IGSF21: variants seen among roughly 807,000 people sequenced by gnomAD.
The protein encoded by IGSF21 is immunoglobulin superfamily member 21.
IGSF21 carries 28 observed loss-of-function variants against 46.8 expected under a neutral mutation model. The observed-to-expected ratio is 0.60, with a 90% CI of 0.44 to 0.82. The LOEUF is 0.82. Among genes scored for constraint, IGSF21 ranks in the 40% least tolerant of loss-of-function variants. The pLI is 0.00. For missense variants in IGSF21, 624 were observed against 665.5 expected (o/e 0.94, Z 0.69); for synonymous variants, 284 against 273.6 (o/e 1.04, Z -0.38).
At chr1:18,268,320 C>T (rs1188926571) in intron 2 of IGSF21, among the ~76,000 whole-genome samples, 2 of 152,246 alleles carry the variant, frequency 1.3e-5, no homozygotes, top group Non-Finnish European at 2.9e-5. Context: ...CAGGGCAGGG[C>T]TCTTTCTGCT....
chr1:18,343,090 C>T (rs183572842), intron 4 of IGSF21, among the ~76,000 whole-genome samples: 28 of 152,304 alleles, frequency 1.8e-4, no homozygotes, highest in South Asian at 6.2e-4. Flanking sequence ...ACATCTTTGT[C>T]GACACTTGTT....
chr1:18,238,672 T>A (rs1465655312), intron 2 of IGSF21, among the ~76,000 whole-genome samples: 1 of 152,078 alleles, frequency 6.6e-6, no homozygotes. Flanking sequence ...CCAGGTGTTT[T>A]GTTAGACCAC....
At chr1:18,362,281 C>A in intron 5 of IGSF21, 51 bp downstream of exon 5, 1 of 1,336,702 alleles carries the variant, frequency 7.5e-7, no homozygotes, top group South Asian at 1.2e-5. Context: ...GACCACCCTG[C>A]TTCGGGGCTG....
At chr1:18,173,629 C>A (rs1451102098) in intron 1 of IGSF21, among the ~76,000 whole-genome samples, 7 of 152,194 alleles carry the variant, frequency 4.6e-5, no homozygotes, top group African/African-American at 1.7e-4. Flanking sequence ...GGAGATTTAG[C>A]CATGTGGTTA....
chr1:18,322,676 G>A lies in IGSF21; in HGVS notation c.306-12216G>A, dbSNP rs550431178. ...AGTCCTGGGATGGCGTCGGGTGAAG[G>A]TAGGAAAAACACTCTGAACCCTGGG... On this transcript the variant is annotated intron_variant, in intron 3 of 9. Coordinates refer to ENST00000251296, the MANE Select transcript of IGSF21 (RefSeq NM_032880.5). The surrounding 1 kb of genome is among the most constrained non-coding windows in gnomAD (Gnocchi z 4.3). Among the ~76,000 whole-genome samples, 2 of 152,222 alleles carry A rather than the reference G, an allele frequency of 1.3e-5. No individual in the cohort carries two copies. The highest frequency in any genetic ancestry group is 2.4e-5 in the African/African-American group (1 of 41,542).
At chr1:18,319,695 A>G (rs1163720841) in intron 3 of IGSF21, among the ~76,000 whole-genome samples, 1 of 152,180 alleles carries the variant, frequency 6.6e-6, no homozygotes, top group South Asian at 2.1e-4. Context: ...TGTTTCATCT[A>G]TTCTACACCA....
intron 4 of IGSF21, among the ~76,000 whole-genome samples, chr1:18,356,171 G>C (rs2086016163): frequency 6.6e-6 from 1 of 152,148 alleles, no homozygotes; most frequent in African/African-American, 2.4e-5. Context: ...TACGACTACT[G>C]TTTATTCTTC....
At chr1:18,209,574 C>T (rs2084368312) in intron 1 of IGSF21, among the ~76,000 whole-genome samples, 1 of 151,816 alleles carries the variant, frequency 6.6e-6, no homozygotes, top group Admixed American at 6.6e-5. Flanking sequence ...CCTGCCTCAG[C>T]CTCCCTAGTA....
intron 3 of IGSF21, among the ~76,000 whole-genome samples, chr1:18,329,338 C>T (rs927116225): frequency 6.6e-6 from 1 of 152,152 alleles, no homozygotes. Flanking sequence ...GTCATAGCAC[C>T]CATGTATCAG....
chr1:18,155,324 TGGCTCTGCTG>T (rs1557560989), intron 1 of IGSF21, among the ~76,000 whole-genome samples: 1 of 152,194 alleles, frequency 6.6e-6, no homozygotes, highest in Non-Finnish European at 1.5e-5. Flanking sequence ...GTTTTGGCCC[TGGCTCTGCTG>T]GTGCCATGTG....
At chr1:18,167,161 C>G (rs993208517) in intron 1 of IGSF21, 1 of 152,426 alleles carries the variant, frequency 6.6e-6, no homozygotes, top group Non-Finnish European at 1.5e-5. Context: ...TTTCAGGGAG[C>G]AAGGGCTCTG....
At chr1:18,339,270 C>T (rs1009649209) in intron 4 of IGSF21, among the ~76,000 whole-genome samples, 7 of 152,208 alleles carry the variant, frequency 4.6e-5, no homozygotes, top group Admixed American at 3.3e-4. Context: ...ACCTGGTCTG[C>T]CTGAGCCCAG....
At chr1:18,191,572 A>C (rs532556932) in intron 1 of IGSF21, among the ~76,000 whole-genome samples, 4 of 152,144 alleles carry the variant, frequency 2.6e-5, no homozygotes, top group African/African-American at 9.6e-5. Context: ...GGCAGGGGAT[A>C]CACGGGGTGT....
At chr1:18,317,230 A>C (rs1302413025) in intron 3 of IGSF21, among the ~76,000 whole-genome samples, 1 of 150,030 alleles carries the variant, frequency 6.7e-6, no homozygotes, top group African/African-American at 2.5e-5. Context: ...TGGTTCCTCT[A>C]CTCCAGGTCT....
intron 1 of IGSF21, among the ~76,000 whole-genome samples, chr1:18,183,013 A>G (rs2086871603): frequency 6.6e-6 from 1 of 152,192 alleles, no homozygotes; most frequent in African/African-American, 2.4e-5. Flanking sequence ...CTGGCTGCCC[A>G]GGCATTACAG....
At chr1:18,249,807 A>G (rs897049967) in intron 2 of IGSF21, among the ~76,000 whole-genome samples, 5 of 152,136 alleles carry the variant, frequency 3.3e-5, no homozygotes, top group Non-Finnish European at 5.9e-5. Context: ...ACCCACTGGC[A>G]CGGGTGCTGG....
intron 3 of IGSF21, among the ~76,000 whole-genome samples, chr1:18,328,918 G>T (rs1464401000): frequency 1.3e-5 from 2 of 152,160 alleles, no homozygotes; most frequent in Admixed American, 6.5e-5. Flanking sequence ...CACAGGACTT[G>T]CTCAGCAAAC....
At chr1:18,259,952 G>A (rs1342653145) in intron 2 of IGSF21, among the ~76,000 whole-genome samples, 1 of 152,236 alleles carries the variant, frequency 6.6e-6, no homozygotes. Context: ...CTCCAGCTCT[G>A]TAACTTGCTA....
At position 18,365,206 on chromosome 1, in the gene IGSF21, C is replaced by T. The variant is rs375296218; in HGVS notation, c.541-17C>T. Reference sequence around the variant, plus strand: ...GTAGCACAAAATCATTTTCCCACACCCTCCTTACAATGGCAGGTTTATTTC... The same window carrying T: ...GTAGCACAAAATCATTTTCCCACACTCTCCTTACAATGGCAGGTTTATTTC... On this transcript the variant is annotated splice_polypyrimidine_tract_variant and intron_variant, in intron 5 of 9. Transcript: ENST00000251296. This position sits in a 1 kb window ranked among gnomAD's most constrained non-coding sequence, Gnocchi z 4.8. 82 of 1,570,504 alleles carry T rather than the reference C, an allele frequency of 5.2e-5. No homozygotes were observed. Among genetic ancestry groups the T allele is most frequent in the Non-Finnish European group, 5.8e-5 (67 of 1,151,546 alleles).
Sources: allele counts gnomAD v4.1 joint callset (sites outside exome capture counted in the v4.1 genomes callset), GRCh38; gene constraint gnomAD v4.1.1; non-coding constraint Gnocchi (gnomAD v3.1); transcripts MANE v1.5; gene names NCBI Gene and HGNC (gene_info 2026-07-23, HGNC 2026-07-21).